CNIH3: variants seen among roughly 807,000 people sequenced by gnomAD.
The protein encoded by CNIH3 is cornichon family AMPA receptor auxiliary protein 3, also known as protein cornichon homolog 3.
Under a neutral mutation model 24.1 loss-of-function variants are expected in CNIH3, and 14 were observed. The observed-to-expected ratio is 0.58, with a 90% CI of 0.38 to 0.91. The LOEUF is 0.91. Among genes scored for constraint, CNIH3 ranks in the 40% least tolerant of loss-of-function variants. CNIH3 has a pLI of 0.00. For missense variants in CNIH3, 178 were observed against 196.8 expected, an observed-to-expected ratio of 0.90 and a Z score of 0.57; for synonymous variants, 68 against 73.8, an observed-to-expected ratio of 0.92 and a Z score of 0.40.
chr1:224,450,086 A>T (rs777769717), intron 1 of CNIH3, among the ~76,000 whole-genome samples: 1 of 152,068 alleles, frequency 6.6e-6, no homozygotes, highest in Non-Finnish European at 1.5e-5. Context: ...AGGTTCAGAG[A>T]CTCCCTCAAC....
At chr1:224,653,512 C>T (rs1236680362) in intron 1 of CNIH3, among the ~76,000 whole-genome samples, 1 of 151,724 alleles carries the variant, frequency 6.6e-6, no homozygotes, top group Non-Finnish European at 1.5e-5. Flanking sequence ...CTGTGTTTCT[C>T]AGTCTGGTGT....
chr1:224,552,101 G>A (rs974699654), intron 3 of CNIH3, among the ~76,000 whole-genome samples: 2 of 151,164 alleles, frequency 1.3e-5, no homozygotes, highest in Non-Finnish European at 1.5e-5. Flanking sequence ...GAACACCCTC[G>A]GTGGTATTAG....
At chr1:224,637,251 C>T (rs12124262) in intron 1 of CNIH3, among the ~76,000 whole-genome samples, 82,619 of 151,960 alleles carry the variant, frequency 0.54, 23,684 homozygotes, top group East Asian at 0.74. Context: ...CCACGCCCAG[C>T]GAGAGATGCT....
intron 1 of CNIH3, among the ~76,000 whole-genome samples, chr1:224,627,729 G>A (rs1028130481): frequency 2.0e-5 from 3 of 152,216 alleles, no homozygotes; most frequent in Admixed American, 6.5e-5. Flanking sequence ...CTGCCATCTC[G>A]GACCCACGAG....
rs114376536 is a variant in CNIH3, at chr1:224,654,541, A to G, written c.82-26417A>G. On this transcript the variant is annotated intron_variant, in intron 1 of 5. Coordinates refer to ENST00000272133, the MANE Select transcript of CNIH3 (RefSeq NM_152495.2). ...TTGGTCATAAACTAGGTGTGACCTC[A>G]GTAGACACTGATTTTAGCCACTGTT... Among the ~76,000 whole-genome samples, 829 of 152,370 alleles carry G rather than the reference A, an allele frequency of 5.4e-3. 6 individuals are homozygous for G. Among genetic ancestry groups the G allele is most frequent in the African/African-American group, 0.019 (779 of 41,588 alleles).
intron 5 of CNIH3, among the ~76,000 whole-genome samples, chr1:224,736,660 TC>T (rs1213880871): frequency 6.6e-6 from 1 of 152,166 alleles, no homozygotes; most frequent in Admixed American, 6.5e-5. Context: ...CCCCTTTACA[TC>T]CCCAGTGTCC....
At chr1:224,661,498 C>A in intron 1 of CNIH3, 1 of 284,618 alleles carries the variant, frequency 3.5e-6, no homozygotes, top group South Asian at 4.1e-5. Context: ...GCTTCTGCTC[C>A]CTTGGGGACC....
At chr1:224,598,158 A>C (rs1682064900) in intron 3 of CNIH3, among the ~76,000 whole-genome samples, 1 of 152,246 alleles carries the variant, frequency 6.6e-6, no homozygotes, top group African/African-American at 2.4e-5. Context: ...CCACATTAAC[A>C]GAAATTTGGA....
At chr1:224,642,202 T>G (rs771471018) in intron 1 of CNIH3, among the ~76,000 whole-genome samples, 1 of 152,186 alleles carries the variant, frequency 6.6e-6, no homozygotes, top group South Asian at 2.1e-4. Context: ...AACAACTCAT[T>G]TAATTTTCCC....
At chr1:224,681,463 T>G (rs1686398881) in intron 2 of CNIH3, among the ~76,000 whole-genome samples, 1 of 152,168 alleles carries the variant, frequency 6.6e-6, no homozygotes, top group African/African-American at 2.4e-5. Context: ...CCTGGCGCCA[T>G]CCATCACCCA....
intron 2 of CNIH3, among the ~76,000 whole-genome samples, chr1:224,521,739 G>A (rs902973304): frequency 3.3e-5 from 5 of 152,232 alleles, no homozygotes; most frequent in African/African-American, 1.2e-4. Flanking sequence ...GAGGAGAACA[G>A]AGGGATGGTG....
chr1:224,469,367 C>G (rs1341171457), intron 1 of CNIH3, among the ~76,000 whole-genome samples: 1 of 151,994 alleles, frequency 6.6e-6, no homozygotes, highest in African/African-American at 2.4e-5. Flanking sequence ...CAGGTGTGAG[C>G]CACTCTGCCC....
chr1:224,712,727 A>G (rs1218804255), intron 3 of CNIH3, among the ~76,000 whole-genome samples: 1 of 152,208 alleles, frequency 6.6e-6, no homozygotes, highest in African/African-American at 2.4e-5. Context: ...CTTTGCTTCC[A>G]GGGTTTAAAA....
intron 1 of CNIH3, among the ~76,000 whole-genome samples, chr1:224,658,016 T>C (rs2125112974): frequency 6.6e-6 from 1 of 152,316 alleles, no homozygotes; most frequent in Admixed American, 6.5e-5. Context: ...TTTATATCAA[T>C]ATAACCCAAA....
intron 3 of CNIH3, among the ~76,000 whole-genome samples, chr1:224,688,392 A>G (rs1686762704): frequency 6.6e-6 from 1 of 152,156 alleles, no homozygotes; most frequent in Non-Finnish European, 1.5e-5. Context: ...TCCTCTCACT[A>G]GAATGCCAGT....
At chr1:224,646,997 A>AT (rs1429656355) in intron 1 of CNIH3, among the ~76,000 whole-genome samples, 5 of 151,804 alleles carry the variant, frequency 3.3e-5, no homozygotes, top group Non-Finnish European at 5.9e-5. Context: ...TTTTATTTTT[A>AT]TTTTTTTGAG....
chr1:224,441,668 C>G (rs1674921090), intron 1 of CNIH3, among the ~76,000 whole-genome samples: 1 of 152,092 alleles, frequency 6.6e-6, no homozygotes, highest in Non-Finnish European at 1.5e-5. Flanking sequence ...TATGCATCCC[C>G]TGTAGATGTA....
At chr1:224,659,496 A>G (rs1685243008) in intron 1 of CNIH3, among the ~76,000 whole-genome samples, 1 of 143,350 alleles carries the variant, frequency 7.0e-6, no homozygotes, top group African/African-American at 2.5e-5. Context: ...TGGGAAGCTC[A>G]TTTAGATAAC....
intron 3 of CNIH3, among the ~76,000 whole-genome samples, chr1:224,552,294 C>A (rs1234275073): frequency 6.6e-6 from 1 of 151,444 alleles, no homozygotes; most frequent in Non-Finnish European, 1.5e-5. Flanking sequence ...AGGCCATACA[C>A]CCTCTGTGAT....
Sources: gnomAD v4.1 joint callset for allele counts (sites outside exome capture counted in the v4.1 genomes callset) on GRCh38, gnomAD v4.1.1 for gene constraint, MANE v1.5 for transcripts, NCBI Gene and HGNC (gene_info 2026-07-23, HGNC 2026-07-21) for gene names.